FUCA2: variants seen among roughly 807,000 people sequenced by gnomAD.
FUCA2 encodes plasma alpha-L-fucosidase.
A neutral mutation model predicts 52.6 loss-of-function variants in FUCA2; 41 were observed. That is an observed-to-expected ratio of 0.78 (90% CI 0.61 to 1.01). The LOEUF (loss-of-function observed/expected upper bound fraction) is 1.01. FUCA2 is among the 50% of genes least tolerant of loss of function. The pLI is 0.00. For missense variants in FUCA2, 507 were observed against 569.5 expected, an observed-to-expected ratio of 0.89 and a Z score of 1.12; for synonymous variants, 211 against 217.3, an observed-to-expected ratio of 0.97 and a Z score of 0.26.
Position 143,497,332 on chromosome 6 carries a change from T to G in FUCA2, c.1263+57A>C. 9.1e-7 allele frequency: 1 copy of G among 1,102,310 alleles called. No homozygotes were observed. The highest frequency in any genetic ancestry group is 1.4e-6 in the Non-Finnish European group (1 of 714,978). The allele number at this position is 1,102,310 out of a possible 1,614,324, so 68.3% of individuals were successfully genotyped here. The stretch of plus-strand genomic sequence containing the variant: ...TAAGGCTCCCCTTAAAAGTTAATGT[T>G]TGCATCAAGATGTTCTAATCAGCAA... On this transcript the variant is annotated intron_variant, in intron 6 of 6. Coordinates refer to ENST00000002165, the MANE Select transcript of FUCA2 (RefSeq NM_032020.5). This position sits in a 1 kb window ranked among gnomAD's most constrained non-coding sequence, Gnocchi z 5.3.
chr6:143,502,539 T>C lies in FUCA2; in HGVS notation c.779A>G (p.Asn260Ser), dbSNP rs762353818. Reference sequence around the variant, plus strand: ...GATGCTACCAGCTCCCCAACGATCATTGGTGACTACTGTGCCCCGAACTGG... The same window carrying C: ...GATGCTACCAGCTCCCCAACGATCACTGGTGACTACTGTGCCCCGAACTGG... ...ESPVRGTVVT[N>S]DRWGAGSICK... Residue 260 changes from asparagine (N) to serine (S), a missense_variant, in exon 4 of 7, where the codon AAT becomes AGT. Asn to Ser is a conservative substitution (Grantham distance 46). Transcript: ENST00000002165. This position sits in a 1 kb window ranked among gnomAD's most constrained non-coding sequence, Gnocchi z 4.1. The C allele has an allele frequency of 3.7e-6, 6 of 1,614,102 alleles. No individual in the cohort carries two copies. The highest frequency in any genetic ancestry group is 5.1e-6 in the Non-Finnish European group (6 of 1,179,956).
In FUCA2 at chr6:143,499,353, G is replaced by A. The variant is rs2128421640; in HGVS notation, c.1155-1856C>T. 6.6e-6 allele frequency among the ~76,000 whole-genome samples: 1 copy of A among 152,258 alleles called. No homozygotes were observed. Among genetic ancestry groups the A allele is most frequent in the South Asian group, 2.1e-4 (1 of 4,824 alleles). On this transcript the variant is annotated intron_variant, in intron 5 of 6. Transcript: ENST00000002165. The surrounding 1 kb of genome is among the most constrained non-coding windows in gnomAD (Gnocchi z 6.0). ...GGGTCACCTGAGGTCAGGAGTTCGA[G>A]ACCAGCCTGGCCAAACATGGTGAAA...
In FUCA2 at chr6:143,509,704, T is replaced by C. The variant is rs957326563; in HGVS notation, c.224+1707A>G. 6.6e-6 allele frequency among the ~76,000 whole-genome samples: 1 copy of C among 152,212 alleles called. No homozygotes were observed. Among genetic ancestry groups the C allele is most frequent in the Non-Finnish European group, 1.5e-5 (1 of 68,028 alleles). On this transcript the variant is annotated intron_variant, in intron 1 of 6. Coordinates refer to ENST00000002165, the MANE Select transcript of FUCA2 (RefSeq NM_032020.5). The surrounding 1 kb of genome is among the most constrained non-coding windows in gnomAD (Gnocchi z 5.4). ...CAGCCCAAAACATGCAAATAAAGAT[T>C]TGTAACATCTTTTTGAAGTAGCTAT... is the stretch of plus-strand genomic sequence containing the variant.
rs770287715 is a variant in FUCA2, at chr6:143,502,541, G to A, written c.777C>T (p.Thr259=). 1.3e-5 allele frequency: 21 copies of A among 1,613,912 alleles called. No homozygotes were observed. The South Asian group carries it at 2.2e-4, about 17-fold the overall frequency. Residue 259 remains threonine, a synonymous_variant, in exon 4 of 7, where the codon ACC becomes ACT. Transcript: ENST00000002165. This position sits in a 1 kb window ranked among gnomAD's most constrained non-coding sequence, Gnocchi z 4.1. ...NESPVRGTVV[T]NDRWGAGSIC... ...TGCTACCAGCTCCCCAACGATCATT[G>A]GTGACTACTGTGCCCCGAACTGGGC...
chr6:143,498,680 G>A (rs1267284154), intron 5 of FUCA2, among the ~76,000 whole-genome samples: 1 of 152,166 alleles, frequency 6.6e-6, no homozygotes, highest in Non-Finnish European at 1.5e-5. Context: ...ATAGGCCCTT[G>A]TAAGCATCTA....
At position 143,495,863 on chromosome 6, in the gene FUCA2, T is replaced by C; in HGVS notation, c.1264-16A>G. On this transcript the variant is annotated splice_polypyrimidine_tract_variant and intron_variant, in intron 6 of 6. Coordinates refer to ENST00000002165, the MANE Select transcript of FUCA2 (RefSeq NM_032020.5). The surrounding 1 kb of genome is among the most constrained non-coding windows in gnomAD (Gnocchi z 5.2). The stretch of plus-strand genomic sequence containing the variant: ...GTAGTTTCACCTGAAATTAAAAACA[T>C]ACATGCAAATGTCTCCAAATTTATC... 1 of 1,612,540 alleles carries C rather than the reference T, an allele frequency of 6.2e-7. No individual in the cohort carries two copies. Among genetic ancestry groups the C allele is most frequent in the South Asian group, 1.1e-5 (1 of 91,006 alleles).
In FUCA2 at chr6:143,501,888, T is replaced by C. The variant is rs1178303820; in HGVS notation, c.1154+44A>G. ...CTTTATATGTCTGATAAATTTTAAA[T>C]CTCTTCCTTTATAAAAGAGTACTTG... On this transcript the variant is annotated intron_variant, in intron 5 of 6. Transcript: ENST00000002165. The surrounding 1 kb of genome is among the most constrained non-coding windows in gnomAD (Gnocchi z 6.1). 3 of 1,514,516 alleles carry C rather than the reference T, an allele frequency of 2.0e-6. No homozygotes were observed. The highest frequency in any genetic ancestry group is 2.7e-6 in the Non-Finnish European group (3 of 1,108,958). The allele number at this position is 1,514,516 out of a possible 1,614,324, so 93.8% of individuals were successfully genotyped here.
rs1415421213 is a variant in FUCA2 at position 143,510,634 on chromosome 6, G to T, written c.224+777C>A. On this transcript the variant is annotated intron_variant, in intron 1 of 6. Coordinates refer to ENST00000002165, the MANE Select transcript of FUCA2 (RefSeq NM_032020.5). This position sits in a 1 kb window ranked among gnomAD's most constrained non-coding sequence, Gnocchi z 4.4. ...AGCCTGGGTGACAGAATGAGACTATGTCTCAAAAAAAAAAAAAAAAGAATA... is the reference window on the plus strand; with the variant it reads ...AGCCTGGGTGACAGAATGAGACTATTTCTCAAAAAAAAAAAAAAAAGAATA... Among the ~76,000 whole-genome samples the T allele has an allele frequency of 2.2e-5, 3 of 138,252 alleles. No individual in the cohort carries two copies. Among genetic ancestry groups the T allele is most frequent in the Non-Finnish European group, 3.0e-5 (2 of 65,606 alleles). The allele number at this position is 138,252 out of a possible 152,430, so 90.7% of individuals were successfully genotyped here. A position where few individuals can be genotyped will look rare whatever the true frequency, so the allele number is the denominator to read the frequency against.
chr6:143,505,250 G>C (rs912046153), intron 2 of FUCA2: 3 of 151,222 alleles, frequency 2.0e-5, no homozygotes, highest in African/African-American at 7.3e-5. Context: ...GGTACATTTG[G>C]TGAAACATTT....
At position 143,503,632 on chromosome 6, in the gene FUCA2, A is replaced by G. The variant is rs1780560442; in HGVS notation, c.752+281T>C. 1.2e-5 allele frequency: 4 copies of G among 324,938 alleles called. No homozygotes were observed. The South Asian group carries it at 2.0e-4, about 16-fold the overall frequency. 20.1% of individuals were successfully genotyped at this position (324,938 alleles called of 1,614,324 possible). A position where few individuals can be genotyped will look rare whatever the true frequency, so the allele number is the denominator to read the frequency against. On this transcript the variant is annotated intron_variant, in intron 3 of 6. Transcript: ENST00000002165. This position sits in a 1 kb window ranked among gnomAD's most constrained non-coding sequence, Gnocchi z 4.8. The stretch of plus-strand genomic sequence containing the variant: ...TAAAGGACCAGGGTAGGAGAGAAAA[A>G]GGGGGGACCCACAAAATTAACACCT...
Position 143,497,467 on chromosome 6 carries a change from G to C in FUCA2, c.1185C>G (p.Val395=). The part of the protein sequence containing the change: ...WYTSKPKEKL[V]YAIFLKWPTS... ...TGGGCCATTTAAGAAAAATGGCATA[G>C]ACTAATTTTTCTTTAGGCTTGGATG... Residue 395 remains valine, a synonymous_variant, in exon 6 of 7, where the codon GTC becomes GTG. Coordinates refer to ENST00000002165, the MANE Select transcript of FUCA2 (RefSeq NM_032020.5). The surrounding 1 kb of genome is among the most constrained non-coding windows in gnomAD (Gnocchi z 5.3). 1 of 1,613,086 alleles carries C rather than the reference G, an allele frequency of 6.2e-7. No individual in the cohort carries two copies. Among genetic ancestry groups the C allele is most frequent in the Middle Eastern group, 1.7e-4 (1 of 6,054 alleles).
In FUCA2 at chr6:143,495,662, C is replaced by T; in HGVS notation, c.*45G>A. 6.3e-7 allele frequency: 1 copy of T among 1,581,784 alleles called. No individual in the cohort carries two copies. The highest frequency in any genetic ancestry group is 2.3e-5 in the East Asian group (1 of 44,380). The stretch of plus-strand genomic sequence containing the variant: ...CTACAATTATAGACACCTGATAGTT[C>T]CTAGCCTTAGACATAACTTGCAGCA... On this transcript the variant is annotated 3_prime_UTR_variant, in exon 7 of 7. Coordinates refer to ENST00000002165, the MANE Select transcript of FUCA2 (RefSeq NM_032020.5). This position sits in a 1 kb window ranked among gnomAD's most constrained non-coding sequence, Gnocchi z 5.2.
intron 2 of FUCA2, chr6:143,505,486 T>C (rs1228333151): frequency 6.6e-6 from 1 of 151,970 alleles, no homozygotes; most frequent in Admixed American, 6.6e-5. Context: ...CCAGCTAATT[T>C]TGTCTATTTT....
Position 143,501,881 on chromosome 6 carries a change from T to C in FUCA2, c.1154+51A>G. ...TACTCTTCTTTATATGTCTGATAAA[T>C]TTTAAATCTCTTCCTTTATAAAAGA... On this transcript the variant is annotated intron_variant, in intron 5 of 6. Coordinates refer to ENST00000002165, the MANE Select transcript of FUCA2 (RefSeq NM_032020.5). The surrounding 1 kb of genome is among the most constrained non-coding windows in gnomAD (Gnocchi z 6.1). 4 of 1,494,286 alleles carry C rather than the reference T, an allele frequency of 2.7e-6. No homozygotes were observed. The highest frequency in any genetic ancestry group is 3.7e-6 in the Non-Finnish European group (4 of 1,093,012). 92.6% of individuals were successfully genotyped at this position (1,494,286 alleles called of 1,614,324 possible).
Position 143,503,725 on chromosome 6 carries a change from CTGATT to C in FUCA2, c.752+183_752+187del. 1.9e-6 allele frequency: 1 copy of C among 513,972 alleles called. No homozygotes were observed. Among genetic ancestry groups the C allele is most frequent in the Admixed American group, 3.6e-5 (1 of 28,108 alleles). The allele number at this position is 513,972 out of a possible 1,614,324, so 31.8% of individuals were successfully genotyped here. On this transcript the variant is annotated intron_variant, in intron 3 of 6. Transcript: ENST00000002165. This position sits in a 1 kb window ranked among gnomAD's most constrained non-coding sequence, Gnocchi z 4.8. ...CAGACCATTGAGTTGGATTTTACTC[CTGATT>C]TATTTACCCTTGATTATGTTGAGTA...
Position 143,497,446 on chromosome 6 carries a change from C to T in FUCA2, c.1206G>A (p.Trp402Ter). 1 of 1,613,786 alleles carries T rather than the reference C, an allele frequency of 6.2e-7. No individual in the cohort carries two copies. The highest frequency in any genetic ancestry group is 1.3e-5 in the African/African-American group (1 of 74,992). ...CAAGGAACAGCTGTCCTGATGTGGG[C>T]CATTTAAGAAAAATGGCATAGACTA... ...EKLVYAIFLK[W>*]PTSGQLFLGH... Residue 402 changes from tryptophan to a stop codon, truncating the protein, a stop_gained, in exon 6 of 7, where the codon TGG becomes TGA. Coordinates refer to ENST00000002165, the MANE Select transcript of FUCA2 (RefSeq NM_032020.5). LOFTEE classifies it high-confidence loss of function. This position sits in a 1 kb window ranked among gnomAD's most constrained non-coding sequence, Gnocchi z 5.3.
rs771445547 is a variant in FUCA2 at position 143,502,533 on chromosome 6, C to A, written c.785G>T (p.Arg262Leu). Reference protein sequence around the residue: ...PVRGTVVTNDRWGAGSICKHG... With the variant: ...PVRGTVVTNDLWGAGSICKHG... ...CTTACAGATGCTACCAGCTCCCCAA[C>A]GATCATTGGTGACTACTGTGCCCCG... is the stretch of plus-strand genomic sequence containing the variant. Residue 262 changes from arginine (R) to leucine (L), a missense_variant, in exon 4 of 7, where the codon CGT becomes CTT. Arg to Leu is a moderately radical substitution (Grantham distance 102). Coordinates refer to ENST00000002165, the MANE Select transcript of FUCA2 (RefSeq NM_032020.5). This position sits in a 1 kb window ranked among gnomAD's most constrained non-coding sequence, Gnocchi z 4.1. 2.5e-6 allele frequency: 4 copies of A among 1,613,948 alleles called. No individual in the cohort carries two copies. Among genetic ancestry groups the A allele is most frequent in the African/African-American group, 2.7e-5 (2 of 74,912 alleles).
In FUCA2 at chr6:143,511,680, CG is replaced by C; in HGVS notation, c.-47del. ...TCCTCTCTGCAGGCTCCCGCGGCCT[CG>C]GGAGCGCTGTTCTTCCGTCTCTGCC... On this transcript the variant is annotated 5_prime_UTR_variant, in exon 1 of 7. Coordinates refer to ENST00000002165, the MANE Select transcript of FUCA2 (RefSeq NM_032020.5). The surrounding 1 kb of genome is among the most constrained non-coding windows in gnomAD (Gnocchi z 6.3). The C allele has an allele frequency of 7.0e-7, 1 of 1,421,760 alleles. No homozygotes were observed. 88.1% of individuals were successfully genotyped at this position (1,421,760 alleles called of 1,614,324 possible).
intron 5 of FUCA2, among the ~76,000 whole-genome samples, chr6:143,498,962 T>G (rs1780499310): frequency 8.7e-6 from 1 of 115,538 alleles, no homozygotes; most frequent in African/African-American, 3.2e-5. Flanking sequence ...ATGGGTTGGC[T>G]GTGACTATAA....
Sources: allele counts gnomAD v4.1 joint callset (sites outside exome capture counted in the v4.1 genomes callset), GRCh38; gene constraint gnomAD v4.1.1; non-coding constraint Gnocchi (gnomAD v3.1); transcripts MANE v1.5; gene names NCBI Gene and HGNC (gene_info 2026-07-23, HGNC 2026-07-21).